Variants in MYLK observed in about 807,000 individuals in gnomAD.
MYLK encodes myosin light chain kinase, also known as myosin light chain kinase, smooth muscle.
MYLK carries 106 observed loss-of-function variants against 203.4 expected under a neutral mutation model. That is an observed-to-expected ratio of 0.52 (90% CI 0.45 to 0.61). MYLK has a LOEUF of 0.61. Ranked by LOEUF, MYLK falls within the 20% of genes least tolerant of loss-of-function variation. MYLK has a pLI of 0.00. For missense variants in MYLK, 2,072 were observed against 2,442.3 expected (o/e 0.85, Z 3.20); for synonymous variants, 867 against 959.5 (o/e 0.90, Z 1.78).
intron 24 of MYLK, among the ~76,000 whole-genome samples, chr3:123,656,141 C>T (rs1169967181): frequency 2.6e-5 from 4 of 152,180 alleles, no homozygotes. Context: ...CTGACCCACC[C>T]ACCACTCCAG....
chr3:123,620,266 C>T lies in MYLK; in HGVS notation c.5309G>A (p.Arg1770Lys), dbSNP rs1235319565. 2.5e-6 allele frequency: 4 copies of T among 1,614,076 alleles called. No individual in the cohort carries two copies. In the African/African-American group the frequency reaches 5.3e-5, roughly 22 times the overall value. Residue 1770 changes from arginine (R) to lysine (K), a missense_variant, in exon 32 of 34, where the codon AGG (arginine) becomes AAG (lysine). Arg to Lys is a conservative substitution (Grantham distance 26). Transcript: ENST00000360304. ...SMAMISGLSG[R>K]KSSTGSPTSP... is the part of the protein sequence containing the mutation. Reference sequence around the variant, plus strand: ...GGTTGGTGACCCTGTTGAGGATTTCCTGCCACTGAGCCCTGAGATCATTGC... The same window carrying T: ...GGTTGGTGACCCTGTTGAGGATTTCTTGCCACTGAGCCCTGAGATCATTGC...
At chr3:123,786,775 C>T (rs1219110256) in intron 4 of MYLK, among the ~76,000 whole-genome samples, 1 of 151,988 alleles carries the variant, frequency 6.6e-6, no homozygotes, top group Non-Finnish European at 1.5e-5. Context: ...ATATATATTT[C>T]CTACTATGAA....
intron 2 of MYLK, among the ~76,000 whole-genome samples, chr3:123,870,121 C>T (rs1438565661): frequency 2.6e-5 from 4 of 152,168 alleles, no homozygotes; most frequent in African/African-American, 4.8e-5. Flanking sequence ...CCTTTTAGAA[C>T]ACCAGCACTG....
intron 20 of MYLK, among the ~76,000 whole-genome samples, chr3:123,673,979 G>C (rs1191981291): frequency 1.3e-5 from 2 of 152,086 alleles, no homozygotes; most frequent in African/African-American, 2.4e-5. Context: ...CCGGGGTACT[G>C]TGCTCATCGC....
intron 4 of MYLK, among the ~76,000 whole-genome samples, chr3:123,792,290 G>A (rs13318881): frequency 0.13 from 19,552 of 152,170 alleles, 3,913 homozygotes; most frequent in African/African-American, 0.43. Flanking sequence ...TGTCTGATCC[G>A]TTTCTCAAAT....
At chr3:123,626,686 T>A (rs1051990259) in intron 31 of MYLK, 132 bp downstream of exon 31, 5 of 1,314,368 alleles carry the variant, frequency 3.8e-6, no homozygotes, top group African/African-American at 1.4e-5. Flanking sequence ...GCTGCCTAAA[T>A]TGGTCCCAGA....
Position 123,733,687 on chromosome 3 carries a change from C to T in MYLK, c.1309G>A (p.Val437Ile), listed in dbSNP as rs778260338. Residue 437 changes from valine to isoleucine, a missense_variant and splice_region_variant, in exon 10 of 34, where the codon GTT becomes ATT. Physicochemically the swap from Val to Ile is conservative, Grantham distance 29 (BLOSUM62 3). Transcript: ENST00000360304. ...ENQTVKFRCEVSGIPKPEVAW... is the reference protein window; with the variant it reads ...ENQTVKFRCEISGIPKPEVAW... ...GGTGACCCTAATTACCTCTACTCAC[C>T]TTCACATCTGAACTTGACAGTTTGA... 4 of 1,614,010 alleles carry T rather than the reference C, an allele frequency of 2.5e-6. No individual in the cohort carries two copies. In the South Asian group the frequency reaches 4.4e-5, roughly 18 times the overall value.
At chr3:123,753,820 G>T (rs2063281124) in intron 4 of MYLK, among the ~76,000 whole-genome samples, 1 of 152,100 alleles carries the variant, frequency 6.6e-6, no homozygotes, top group South Asian at 2.1e-4. Flanking sequence ...TGAGAACAAA[G>T]TTGTTTGCAT....
At chr3:123,849,547 G>A (rs142242612) in intron 2 of MYLK, among the ~76,000 whole-genome samples, 132 of 152,252 alleles carry the variant, frequency 8.7e-4, no homozygotes, top group African/African-American at 3.2e-3. Context: ...ATTATAACAT[G>A]TGGTACTGGC....
intron 17 of MYLK, among the ~76,000 whole-genome samples, 186 bp from the exon 18 acceptor site, chr3:123,701,191 G>GTTTATTA (rs2061200330): frequency 1.5e-5 from 2 of 135,542 alleles, no homozygotes; most frequent in Admixed American, 1.8e-4. Flanking sequence ...TGCTTAGTTG[G>GTTTATTA]TTTATTACAT....
At chr3:123,860,077 A>T (rs1018568347) in intron 2 of MYLK, among the ~76,000 whole-genome samples, 1 of 152,218 alleles carries the variant, frequency 6.6e-6, no homozygotes, top group Non-Finnish European at 1.5e-5. Context: ...CATCACTAGC[A>T]TAAGTATATA....
intron 23 of MYLK, 110 bp downstream of exon 23, chr3:123,663,995 G>T: frequency 6.8e-7 from 1 of 1,466,022 alleles, no homozygotes; most frequent in Non-Finnish European, 9.5e-7. Flanking sequence ...TCAGGCACAG[G>T]AGTGGTGAGA....
chr3:123,630,644 G>A (rs7622739), intron 29 of MYLK: 63,767 of 152,126 alleles, frequency 0.42, 17,144 homozygotes, highest in Non-Finnish European at 0.6. Context: ...GTAAATTGCA[G>A]TGTTCAGCAC....
chr3:123,856,097 G>A (rs2031344554), intron 2 of MYLK, among the ~76,000 whole-genome samples: 1 of 152,296 alleles, frequency 6.6e-6, no homozygotes, highest in South Asian at 2.1e-4. Context: ...TGAGTCCCCA[G>A]TGTTTGTGAT....
At chr3:123,788,470 T>C (rs1404339844) in intron 4 of MYLK, among the ~76,000 whole-genome samples, 1 of 150,460 alleles carries the variant, frequency 6.6e-6, no homozygotes, top group Non-Finnish European at 1.5e-5. Flanking sequence ...ACATGTGCCA[T>C]GCTGGTGTGC....
intron 27 of MYLK, among the ~76,000 whole-genome samples, chr3:123,641,239 G>A (rs1036724584): frequency 1.3e-5 from 2 of 152,104 alleles, no homozygotes; most frequent in Non-Finnish European, 2.9e-5. Context: ...GGACTGCCCC[G>A]GGGTCTCAGC....
At chr3:123,662,301 T>G (rs1436061181) in intron 23 of MYLK, among the ~76,000 whole-genome samples, 1 of 152,194 alleles carries the variant, frequency 6.6e-6, no homozygotes, top group Admixed American at 6.5e-5. Flanking sequence ...ACTATGTTAC[T>G]TTGTTCAGAT....
chr3:123,663,071 GTC>G (rs768020615), intron 23 of MYLK, among the ~76,000 whole-genome samples: 1 of 152,284 alleles, frequency 6.6e-6, no homozygotes, highest in East Asian at 1.9e-4. Context: ...GAGGCATAGA[GTC>G]TACTCTCTCT....
chr3:123,706,523 G>C (rs2061467029), intron 16 of MYLK, among the ~76,000 whole-genome samples: 1 of 152,130 alleles, frequency 6.6e-6, no homozygotes, highest in South Asian at 2.1e-4. Context: ...CCTATTTGTA[G>C]GTTAGGTGCA....
Sources: gnomAD v4.1 joint callset for allele counts (sites outside exome capture counted in the v4.1 genomes callset) on GRCh38, gnomAD v4.1.1 for gene constraint, MANE v1.5 for transcripts, NCBI Gene and HGNC (gene_info 2026-07-23, HGNC 2026-07-21) for gene names.